The following PCDHA10 variants were observed in gnomAD, a reference collection of about 807,000 sequenced individuals.
PCDHA10 encodes protocadherin alpha-10.
PCDHA10 carries 45 observed loss-of-function variants against 61.2 expected under a neutral mutation model. That is an observed-to-expected ratio of 0.74 (90% confidence interval 0.58 to 0.94). The LOEUF is 0.94. Ranked by LOEUF, PCDHA10 falls within the 40% of genes least tolerant of loss-of-function variation. The probability of loss-of-function intolerance (pLI) is 0.00; values close to 1 mark genes in which losing one functional copy is unlikely to be tolerated. For missense variants in PCDHA10, 1,278 were observed against 1,236.2 expected (o/e 1.03, Z -0.51); for synonymous variants, 602 against 548.8 (o/e 1.10, Z -1.35).
At chr5:140,912,690 A>AG (rs2076029112) in intron 1 of PCDHA10, among the ~76,000 whole-genome samples, 1 of 152,192 alleles carries the variant, frequency 6.6e-6, no homozygotes, top group African/African-American at 2.4e-5. Flanking sequence ...TCCAGGTCTC[A>AG]GGGGGAATGC....
At chr5:140,962,786 A>G (rs1377248587) in intron 1 of PCDHA10, among the ~76,000 whole-genome samples, 6 of 152,216 alleles carry the variant, frequency 3.9e-5, no homozygotes, top group African/African-American at 1.4e-4. Context: ...ATTTTTAAAA[A>G]CTACTTTGGA....
chr5:140,989,350 T>G (rs188962457), intron 3 of PCDHA10, among the ~76,000 whole-genome samples: 17 of 152,274 alleles, frequency 1.1e-4, no homozygotes, highest in African/African-American at 3.9e-4. Context: ...TCAAAGGTGA[T>G]AGGTCACCTG....
chr5:140,928,459 T>C (rs2085267166), intron 1 of PCDHA10: 1 of 1,614,106 alleles, frequency 6.2e-7, no homozygotes, highest in Non-Finnish European at 8.5e-7. Flanking sequence ...GGGGTTTCAT[T>C]TCCAAGTAGA....
chr5:140,875,793 G>A (rs2055816565), intron 1 of PCDHA10: 1 of 1,614,100 alleles, frequency 6.2e-7, no homozygotes, highest in Non-Finnish European at 8.5e-7. Flanking sequence ...TCCACCTGGA[G>A]GTGATCGTGG....
At chr5:141,000,238 G>T (rs111531743) in intron 3 of PCDHA10, among the ~76,000 whole-genome samples, 3 of 151,558 alleles carry the variant, frequency 2.0e-5, no homozygotes, top group African/African-American at 7.3e-5. Flanking sequence ...GCTGAATGTG[G>T]TGGCTGACAC....
intron 1 of PCDHA10, chr5:140,871,317 G>A: frequency 6.2e-7 from 1 of 1,614,080 alleles, no homozygotes; most frequent in Non-Finnish European, 8.5e-7. Flanking sequence ...AGCCCACGCT[G>A]GTGTGCTCCC....
At chr5:141,004,857 A>C (rs987029522) in intron 3 of PCDHA10, among the ~76,000 whole-genome samples, 2 of 152,150 alleles carry the variant, frequency 1.3e-5, no homozygotes, top group African/African-American at 4.8e-5. Context: ...TCAGAGAAAA[A>C]ATTTGTTTCT....
At chr5:140,975,511 A>T (rs1236558069) in intron 1 of PCDHA10, among the ~76,000 whole-genome samples, 2 of 152,212 alleles carry the variant, frequency 1.3e-5, no homozygotes, top group African/African-American at 4.8e-5. Flanking sequence ...CACTATGCAA[A>T]ATCTGCAGTG....
At chr5:140,870,465 C>A in intron 1 of PCDHA10, 1 of 1,614,208 alleles carries the variant, frequency 6.2e-7, no homozygotes, top group Non-Finnish European at 8.5e-7. Flanking sequence ...CGCCTGCGTT[C>A]GCACAGCCCG....
At position 140,863,735 on chromosome 5, in the gene PCDHA10, C is replaced by T. The variant is rs189909313; in HGVS notation, c.2388+5299C>T. On this transcript the variant is annotated intron_variant, in intron 1 of 3. Transcript: ENST00000307360. ...TGGGGCCGGGTGCGGTAGCTCATGC[C>T]TATTTGTAATCCCGGCACTTTGGGA... The T allele has an allele frequency of 4.8e-3, 1,219 of 255,524 alleles. 5 individuals are homozygous for T. Among genetic ancestry groups the T allele is most frequent in the Non-Finnish European group, 6.2e-3 (808 of 129,746 alleles). The allele number at this position is 255,524 out of a possible 1,614,324, so 15.8% of individuals were successfully genotyped here. A position where few individuals can be genotyped will look rare whatever the true frequency, so the allele number is the denominator to read the frequency against.
At chr5:140,926,373 G>T (rs1040164585) in intron 1 of PCDHA10, 1 of 152,370 alleles carries the variant, frequency 6.6e-6, no homozygotes, top group African/African-American at 2.4e-5. Flanking sequence ...GGCAGGAAGA[G>T]CCCAGCTGGG....
At chr5:140,868,823 G>T (rs576498570) in intron 1 of PCDHA10, 2 of 397,532 alleles carry the variant, frequency 5.0e-6, no homozygotes, top group East Asian at 8.3e-5. Flanking sequence ...ATATTTGGGG[G>T]AAGAAACCCA....
intron 1 of PCDHA10, among the ~76,000 whole-genome samples, chr5:140,950,215 T>C (rs2094460409): frequency 6.6e-6 from 1 of 152,030 alleles, no homozygotes; most frequent in Non-Finnish European, 1.5e-5. Flanking sequence ...TACCTAGTCA[T>C]TTACCATTTC....
rs115890668 is a variant in PCDHA10 at position 140,925,958 on chromosome 5, A to G, written c.2389-52991A>G. Among the ~76,000 whole-genome samples, 1,223 of 152,250 alleles carry G rather than the reference A, an allele frequency of 8.0e-3. 5 individuals carry two copies. The highest frequency in any genetic ancestry group is 0.019 in the African/African-American group (788 of 41,548). On this transcript the variant is annotated intron_variant, in intron 1 of 3. Coordinates refer to ENST00000307360, the MANE Select transcript of PCDHA10 (RefSeq NM_018901.4). ...GCCTCTTGGAGAAGGAGAAACTGCT[A>G]TCACGCAAAAAAAAAGCCTTGAGCT... is the stretch of plus-strand genomic sequence containing the variant.
At chr5:140,957,919 A>G (rs1477103013) in intron 1 of PCDHA10, among the ~76,000 whole-genome samples, 1 of 152,158 alleles carries the variant, frequency 6.6e-6, no homozygotes, top group Non-Finnish European at 1.5e-5. Flanking sequence ...TTATCTATGT[A>G]TCAAGCTAAA....
At chr5:140,865,309 T>C (rs1554159355) in intron 1 of PCDHA10, 1 of 152,176 alleles carries the variant, frequency 6.6e-6, no homozygotes, top group Non-Finnish European at 1.5e-5. Flanking sequence ...TAATTACAAA[T>C]GAGATGGCCT....
intron 1 of PCDHA10, chr5:140,882,874 A>G (rs376046205): frequency 1.9e-6 from 3 of 1,614,108 alleles, no homozygotes; most frequent in Non-Finnish European, 2.5e-6. Context: ...CACTGGACAG[A>G]GAGGAAATTC....
chr5:140,927,513 C>G, intron 1 of PCDHA10: 1 of 1,614,062 alleles, frequency 6.2e-7, no homozygotes, highest in Non-Finnish European at 8.5e-7. Context: ...CAGCTCGGGA[C>G]GGCGGGCTAC....
At chr5:140,942,160 A>G (rs782205493) in intron 1 of PCDHA10, among the ~76,000 whole-genome samples, 11 of 152,218 alleles carry the variant, frequency 7.2e-5, no homozygotes, top group Non-Finnish European at 1.5e-4. Context: ...AACAGCTTCC[A>G]TATTTCTCTA....
Sources: allele counts gnomAD v4.1 joint callset (sites outside exome capture counted in the v4.1 genomes callset), GRCh38; gene constraint gnomAD v4.1.1; transcripts MANE v1.5; gene names NCBI Gene and HGNC (gene_info 2026-07-23, HGNC 2026-07-21).